Variants in MAPKAPK5 observed in about 807,000 individuals in gnomAD.
MAPKAPK5 encodes the protein MAP kinase-activated protein kinase 5.
A neutral mutation model predicts 65.1 loss-of-function variants in MAPKAPK5; 30 were observed. The ratio of observed to expected loss-of-function variants is 0.46; its 90% CI spans 0.34 to 0.63. MAPKAPK5 has a LOEUF of 0.63. MAPKAPK5 is among the 20% of genes least tolerant of loss of function. MAPKAPK5 has a pLI of 0.01. For synonymous variants in MAPKAPK5, 179 were observed against 204.6 expected (o/e 0.87, Z 1.07); for missense variants, 433 against 581.4 (o/e 0.74, Z 2.63).
chr12:111,885,675 C>G (rs1593180197), intron 9 of MAPKAPK5: 1 of 462,174 alleles, frequency 2.2e-6, no homozygotes, highest in Non-Finnish European at 3.9e-6. Context: ...AAAAGTATCA[C>G]TGGATTAAGC....
intron 7 of MAPKAPK5, among the ~76,000 whole-genome samples, chr12:111,876,146 G>A (rs912518334): frequency 6.8e-6 from 1 of 147,326 alleles, no homozygotes; most frequent in African/African-American, 2.5e-5. Context: ...GGTGGAGGTT[G>A]CAGTGAACAA....
intron 10 of MAPKAPK5, among the ~76,000 whole-genome samples, chr12:111,886,633 A>G (rs558602453): frequency 6.6e-4 from 101 of 152,402 alleles, no homozygotes; most frequent in African/African-American, 2.3e-3. Flanking sequence ...AAAAAAACAC[A>G]TGCAAATACA....
intron 12 of MAPKAPK5, 52 bp downstream of exon 12, chr12:111,889,052 G>T (rs2070513187): frequency 6.5e-7 from 1 of 1,541,700 alleles, no homozygotes; most frequent in Admixed American, 2.0e-5. Context: ...GTGTGTGTGT[G>T]CAGGGGTGGG....
chr12:111,842,367 T>G lies in MAPKAPK5; in HGVS notation c.-367T>G. 6.0e-6 allele frequency: 1 copy of G among 165,984 alleles called. No homozygotes were observed. The allele number at this position is 165,984 out of a possible 1,614,324, so 10.3% of individuals were successfully genotyped here. ...TTCTTTAGGACCTGGCGAGCCCAGG[T>G]CTAAGCGGCGGCCCCGCGAGGCCCT... On this transcript the variant is annotated 5_prime_UTR_variant, in exon 1 of 14. Coordinates refer to ENST00000550735, the MANE Select transcript of MAPKAPK5 (RefSeq NM_003668.4).
intron 1 of MAPKAPK5, among the ~76,000 whole-genome samples, chr12:111,851,122 T>C (rs1226018660): frequency 6.6e-6 from 1 of 152,118 alleles, no homozygotes; most frequent in Non-Finnish European, 1.5e-5. Context: ...GGTCTTGAAC[T>C]CCTAACCTCA....
At chr12:111,845,320 T>C (rs751471417) in intron 1 of MAPKAPK5, among the ~76,000 whole-genome samples, 9 of 151,968 alleles carry the variant, frequency 5.9e-5, no homozygotes, top group Non-Finnish European at 8.8e-5. Flanking sequence ...TTTGTTGTTA[T>C]TGTTGTTATA....
chr12:111,866,343 T>A, intron 3 of MAPKAPK5, 112 bp downstream of exon 3: 1 of 867,234 alleles, frequency 1.2e-6, no homozygotes, highest in Non-Finnish European at 1.8e-6. Context: ...AAGTTTTATG[T>A]CCAAACTTTA....
At chr12:111,886,105 G>A in intron 10 of MAPKAPK5, 69 bp downstream of exon 10, 1 of 1,610,400 alleles carries the variant, frequency 6.2e-7, no homozygotes, top group South Asian at 1.1e-5. Flanking sequence ...GCTTGGCTCA[G>A]TGAGGGGTTA....
At chr12:111,884,520 T>C (rs987242267) in intron 9 of MAPKAPK5, among the ~76,000 whole-genome samples, 1 of 152,256 alleles carries the variant, frequency 6.6e-6, no homozygotes, top group African/African-American at 2.4e-5. Context: ...TGCTCTGGCA[T>C]ATCTTAAGAT....
At chr12:111,849,709 C>G (rs1398344821) in intron 1 of MAPKAPK5, among the ~76,000 whole-genome samples, 1 of 152,038 alleles carries the variant, frequency 6.6e-6, no homozygotes, top group Non-Finnish European at 1.5e-5. Flanking sequence ...CAGTTTAGCA[C>G]ATTTTTTTCT....
intron 12 of MAPKAPK5, 114 bp from the exon 13 acceptor site, chr12:111,889,926 G>A (rs951142236): frequency 7.4e-6 from 5 of 673,460 alleles, no homozygotes; most frequent in Non-Finnish European, 1.3e-5. Context: ...GTGAAGTTTT[G>A]CACATTCAGT....
chr12:111,848,883 C>T (rs1345886825), intron 1 of MAPKAPK5, among the ~76,000 whole-genome samples: 1 of 150,840 alleles, frequency 6.6e-6, no homozygotes, highest in Non-Finnish European at 1.5e-5. Flanking sequence ...GCATGCGCCA[C>T]CATGCCCAGC....
intron 1 of MAPKAPK5, among the ~76,000 whole-genome samples, chr12:111,854,964 A>G (rs1490997217): frequency 2.6e-5 from 4 of 152,160 alleles, no homozygotes; most frequent in Admixed American, 2.6e-4. Context: ...TTTACTTGTT[A>G]CAGGTCTATT....
At chr12:111,845,102 C>T (rs2068865131) in intron 1 of MAPKAPK5, among the ~76,000 whole-genome samples, 1 of 152,078 alleles carries the variant, frequency 6.6e-6, no homozygotes, top group Non-Finnish European at 1.5e-5. Flanking sequence ...TATAGCTTCT[C>T]TAGGTAGACT....
rs1357368366 is a variant in MAPKAPK5, at chr12:111,870,251, TTC to T, written c.394-19_394-18del. On this transcript the variant is annotated intron_variant, in intron 5 of 13. Transcript: ENST00000550735. ...GTGGTCTTTTCTAAGAAGCGACTGT[TTC>T]ATTGTGTCTTTTTTCAGATAGCTTT... 4 of 1,570,162 alleles carry T rather than the reference TTC, an allele frequency of 2.5e-6. No individual in the cohort carries two copies. Among genetic ancestry groups the T allele is most frequent in the Non-Finnish European group, 3.5e-6 (4 of 1,144,678 alleles).
rs1037682568 is a variant in MAPKAPK5 at position 111,895,311 on chromosome 12, C to T, written c.*2250C>T. On this transcript the variant is annotated 3_prime_UTR_variant, in exon 14 of 14. Transcript: ENST00000550735. ...AGAGACAGGGTTTCACCGTGTTAGC[C>T]AGGATGGTCTTGATCTCCTGACCTC... The T allele has an allele frequency of 2.6e-5, 4 of 152,160 alleles. No individual in the cohort carries two copies. Among genetic ancestry groups the T allele is most frequent in the Admixed American group, 2.6e-4 (4 of 15,258 alleles). The allele number at this position is 152,160 out of a possible 1,614,324, so 9.4% of individuals were successfully genotyped here. A position where few individuals can be genotyped will look rare whatever the true frequency, so the allele number is the denominator to read the frequency against.
intron 3 of MAPKAPK5, 99 bp from the exon 4 acceptor site, chr12:111,867,473 G>GT (rs1328755793): frequency 1.3e-6 from 1 of 773,844 alleles, no homozygotes; most frequent in African/African-American, 1.7e-5. Context: ...AAGTGATAAA[G>GT]TTTTTATTGT....
At chr12:111,846,775 G>A (rs1186358282) in intron 1 of MAPKAPK5, among the ~76,000 whole-genome samples, 2 of 152,102 alleles carry the variant, frequency 1.3e-5, no homozygotes, top group African/African-American at 2.4e-5. Flanking sequence ...AGAGTTACAG[G>A]TGTGAGTCAC....
chr12:111,875,603 G>C (rs538884528), intron 7 of MAPKAPK5, among the ~76,000 whole-genome samples: 9 of 152,026 alleles, frequency 5.9e-5, no homozygotes, highest in Non-Finnish European at 1.3e-4. Flanking sequence ...TGTTGGGCAG[G>C]ACCTGTGTTC....
Sources: gnomAD v4.1 joint callset for allele counts (sites outside exome capture counted in the v4.1 genomes callset) on GRCh38, gnomAD v4.1.1 for gene constraint, MANE v1.5 for transcripts, NCBI Gene and HGNC (gene_info 2026-07-23, HGNC 2026-07-21) for gene names.